The following PPIP5K2 variants were observed in gnomAD, a reference collection of about 807,000 sequenced individuals.
PPIP5K2 encodes the protein inositol hexakisphosphate and diphosphoinositol-pentakisphosphate kinase 2.
A neutral mutation model predicts 154.6 loss-of-function variants in PPIP5K2; 105 were observed. That is an observed-to-expected ratio of 0.68 (90% CI 0.58 to 0.80). PPIP5K2 has a LOEUF of 0.80. Ranked by LOEUF, PPIP5K2 falls within the 30% of genes least tolerant of loss-of-function variation. The pLI is 0.00. For missense variants in PPIP5K2, 992 were observed against 1,504.6 expected (o/e 0.66, Z 5.64); for synonymous variants, 480 against 490.3 (o/e 0.98, Z 0.28).
At chr5:103,152,804 T>C (rs1023598801) in intron 10 of PPIP5K2, 55 bp downstream of exon 10, 4 of 1,199,844 alleles carry the variant, frequency 3.3e-6, no homozygotes, top group Non-Finnish European at 4.8e-6. Flanking sequence ...ATCTGTGCTA[T>C]TAGGATAAAA....
In PPIP5K2 at chr5:103,159,205, A is replaced by G; in HGVS notation, c.1797A>G (p.Ala599=). The part of the protein sequence containing the change: ...TPILVQMVKS[A]NMNGLLDSDS... ...TTCTTGTTCAAATGGTGAAAAGTGC[A>G]AATATGAACGGTCTTTTGGATAGTG... The change falls in exon 17 of 31, where the codon GCA becomes GCG. Residue 599 remains alanine (A), a synonymous_variant. Coordinates refer to ENST00000358359, the MANE Select transcript of PPIP5K2 (RefSeq NM_001276277.3). 1.2e-6 allele frequency: 2 copies of G among 1,611,658 alleles called. 1 individual carries two copies. The highest frequency in any genetic ancestry group is 2.2e-5 in the South Asian group (2 of 90,928).
At chr5:103,120,834 C>T (rs570172438) in intron 1 of PPIP5K2, 4 of 232,634 alleles carry the variant, frequency 1.7e-5, no homozygotes, top group Admixed American at 4.7e-5. Context: ...AGTTATGGGA[C>T]TGCTGTGGGT....
rs1803847363 is a variant in PPIP5K2, at chr5:103,212,276, C to T, written c.*10642C>T. ...AATGCCAAAACATACCATGAGGACA[C>T]TTTCACAATCCAGGGCACACACATG... is the stretch of plus-strand genomic sequence containing the variant. On this transcript the variant is annotated 3_prime_UTR_variant, in exon 31 of 31. Transcript: ENST00000358359. The T allele has an allele frequency of 6.5e-6, 1 of 152,834 alleles. No individual in the cohort carries two copies. The highest frequency in any genetic ancestry group is 1.9e-4 in the East Asian group (1 of 5,182). 9.5% of individuals were successfully genotyped at this position (152,834 alleles called of 1,614,324 possible). A position where few individuals can be genotyped will look rare whatever the true frequency, so the allele number is the denominator to read the frequency against.
intron 8 of PPIP5K2, among the ~76,000 whole-genome samples, chr5:103,149,780 T>C (rs979104980): frequency 6.6e-6 from 1 of 151,514 alleles, no homozygotes; most frequent in Non-Finnish European, 1.5e-5. Flanking sequence ...CACTGCAACC[T>C]CTGCCTCCCG....
chr5:103,211,767 G>C lies in PPIP5K2; in HGVS notation c.*10133G>C, dbSNP rs1198528693. The C allele has an allele frequency of 6.6e-6, 1 of 151,854 alleles. No individual in the cohort carries two copies. Among genetic ancestry groups the C allele is most frequent in the Non-Finnish European group, 1.5e-5 (1 of 67,950 alleles). The allele number at this position is 151,854 out of a possible 1,614,324, so 9.4% of individuals were successfully genotyped here. A position where few individuals can be genotyped will look rare whatever the true frequency, so the allele number is the denominator to read the frequency against. ...TGATGATACAAATATGAAAAGTCCT[G>C]TTTCCAGGGAATTTACTTTCTAATG... is the stretch of plus-strand genomic sequence containing the variant. On this transcript the variant is annotated 3_prime_UTR_variant, in exon 31 of 31. Coordinates refer to ENST00000358359, the MANE Select transcript of PPIP5K2 (RefSeq NM_001276277.3).
chr5:103,138,356 C>A, intron 4 of PPIP5K2, 28 bp from the exon 5 acceptor site: 2 of 1,333,408 alleles, frequency 1.5e-6, no homozygotes, highest in Non-Finnish European at 1.0e-6. Context: ...AGCAATAAAA[C>A]AATAAGGATG....
chr5:103,122,159 A>G (rs1416523061), intron 1 of PPIP5K2, among the ~76,000 whole-genome samples: 1 of 152,236 alleles, frequency 6.6e-6, no homozygotes, highest in African/African-American at 2.4e-5. Context: ...AATGGTGGGC[A>G]TATAGATGAT....
intron 5 of PPIP5K2, among the ~76,000 whole-genome samples, chr5:103,139,062 G>A (rs1199833012): frequency 2.0e-5 from 3 of 152,164 alleles, no homozygotes; most frequent in African/African-American, 7.2e-5. Context: ...CAGTCACCGC[G>A]TATGACAAGG....
At chr5:103,198,115 GT>G (rs1802396694) in intron 30 of PPIP5K2, among the ~76,000 whole-genome samples, 1 of 151,852 alleles carries the variant, frequency 6.6e-6, no homozygotes, top group South Asian at 2.1e-4. Context: ...ATACTTTCTA[GT>G]TTATTTGTGA....
chr5:103,194,806 C>T (rs7722320), intron 29 of PPIP5K2, 94 bp from the exon 30 acceptor site: 16,121 of 1,347,916 alleles, frequency 0.012, 153 homozygotes, highest in Non-Finnish European at 0.015. Flanking sequence ...TATGAATATT[C>T]GTAGGGTCAC....
intron 5 of PPIP5K2, among the ~76,000 whole-genome samples, chr5:103,141,583 C>G: frequency 6.6e-6 from 1 of 152,310 alleles, no homozygotes; most frequent in East Asian, 1.9e-4. Context: ...TTTACAATCC[C>G]TGAGCTAGAT....
At chr5:103,173,049 A>G in intron 19 of PPIP5K2, 106 bp from the exon 20 acceptor site, 1 of 884,282 alleles carries the variant, frequency 1.1e-6, no homozygotes, top group Non-Finnish European at 1.6e-6. Context: ...CGTTCAAAAA[A>G]GGCTTGATAA....
In PPIP5K2 at chr5:103,204,837, T is replaced by A. The variant is rs1554231759; in HGVS notation, c.*3203T>A. The A allele has an allele frequency of 6.6e-6, 1 of 150,676 alleles. No homozygotes were observed. Among genetic ancestry groups the A allele is most frequent in the African/African-American group, 2.4e-5 (1 of 41,214 alleles). The allele number at this position is 150,676 out of a possible 1,614,324, so 9.3% of individuals were successfully genotyped here. ...CTATATAATCTATGTGAATTATAGC[T>A]CCTTAACTAAATATATTACTGAGTT... On this transcript the variant is annotated 3_prime_UTR_variant, in exon 31 of 31. Coordinates refer to ENST00000358359, the MANE Select transcript of PPIP5K2 (RefSeq NM_001276277.3).
intron 5 of PPIP5K2, 27 bp downstream of exon 5, chr5:103,138,496 T>C (rs1554205256): frequency 2.1e-6 from 3 of 1,458,548 alleles, no homozygotes; most frequent in South Asian, 1.2e-5. Context: ...TTAGGTAAGC[T>C]TCCTTTGCCA....
rs1288907318 is a variant in PPIP5K2 at position 103,212,599 on chromosome 5, A to G, written c.*10965A>G. 2 of 152,140 alleles carry G rather than the reference A, an allele frequency of 1.3e-5. No homozygotes were observed. The highest frequency in any genetic ancestry group is 2.9e-5 in the Non-Finnish European group (2 of 67,994). 9.4% of individuals were successfully genotyped at this position (152,140 alleles called of 1,614,324 possible). Reference sequence around the variant, plus strand: ...GGAGTATAAACTGCTGGAAATAAGGATGCTATTTAATAGACTCTCTTAGAT... The same window carrying G: ...GGAGTATAAACTGCTGGAAATAAGGGTGCTATTTAATAGACTCTCTTAGAT... On this transcript the variant is annotated 3_prime_UTR_variant, in exon 31 of 31. Transcript: ENST00000358359.
At chr5:103,184,494 T>C (rs1346769244) in intron 25 of PPIP5K2, 178 bp from the exon 26 acceptor site, 17 of 515,280 alleles carry the variant, frequency 3.3e-5, no homozygotes, top group Non-Finnish European at 5.2e-5. Flanking sequence ...AAGGACCTCA[T>C]GAAATGGACT....
rs1803719431 is a variant in PPIP5K2, at chr5:103,210,043, G to C, written c.*8409G>C. The C allele has an allele frequency of 6.6e-6, 1 of 152,092 alleles. No individual in the cohort carries two copies. The highest frequency in any genetic ancestry group is 2.4e-5 in the African/African-American group (1 of 41,396). 9.4% of individuals were successfully genotyped at this position (152,092 alleles called of 1,614,324 possible). On this transcript the variant is annotated 3_prime_UTR_variant, in exon 31 of 31. Coordinates refer to ENST00000358359, the MANE Select transcript of PPIP5K2 (RefSeq NM_001276277.3). ...TAACTGATTCTTCACTGGTCATCCA[G>C]AAGCCTTTTTGAAAGTCCCACTGCC...
At chr5:103,125,412 G>A (rs529352170) in intron 1 of PPIP5K2, among the ~76,000 whole-genome samples, 212 of 150,792 alleles carry the variant, frequency 1.4e-3, no homozygotes, top group African/African-American at 4.4e-3. Context: ...TTAAACCCAG[G>A]TATTTTAACC....
intron 2 of PPIP5K2, among the ~76,000 whole-genome samples, chr5:103,131,455 A>G (rs1192940017): frequency 6.6e-6 from 1 of 152,144 alleles, no homozygotes; most frequent in African/African-American, 2.4e-5. Flanking sequence ...AATATCTTCA[A>G]TACATGATTA....
Sources: allele counts gnomAD v4.1 joint callset (sites outside exome capture counted in the v4.1 genomes callset), GRCh38; gene constraint gnomAD v4.1.1; transcripts MANE v1.5; gene names NCBI Gene and HGNC (gene_info 2026-07-23, HGNC 2026-07-21).